TRAPPC3L: variants seen among roughly 807,000 people sequenced by gnomAD.
TRAPPC3L encodes the protein trafficking protein particle complex subunit 3L.
A neutral mutation model predicts 23.7 loss-of-function variants in TRAPPC3L; 23 were observed. The ratio of observed to expected loss-of-function variants is 0.97; its 90% confidence interval spans 0.70 to 1.37. The LOEUF is 1.37. TRAPPC3L is among the 40% of genes most tolerant of loss of function. TRAPPC3L has a pLI of 0.00. For synonymous variants in TRAPPC3L, 81 were observed against 77.9 expected (o/e 1.04, Z -0.21); for missense variants, 212 against 216.8 (o/e 0.98, Z 0.14).
intron 4 of TRAPPC3L, among the ~76,000 whole-genome samples, chr6:116,497,688 C>A (rs1485489761): frequency 6.6e-6 from 1 of 152,116 alleles, no homozygotes; most frequent in Non-Finnish European, 1.5e-5. Flanking sequence ...CTGAAGTAAG[C>A]AGGGCTTACT....
In TRAPPC3L at chr6:116,496,830, T is replaced by C. The variant is rs1298510552; in HGVS notation, c.*124A>G. The C allele has an allele frequency of 7.5e-6, 10 of 1,327,588 alleles. No individual in the cohort carries two copies. In the African/African-American group the frequency reaches 7.8e-5, roughly 10 times the overall value. 82.2% of individuals were successfully genotyped at this position (1,327,588 alleles called of 1,614,324 possible). Reference sequence around the variant, plus strand: ...AAGCCTTCATGCCCTGCATTTCAAATTTCTGGCTGATTTATAAACCTTTCA... The same window carrying C: ...AAGCCTTCATGCCCTGCATTTCAAACTTCTGGCTGATTTATAAACCTTTCA... On this transcript the variant is annotated 3_prime_UTR_variant, in exon 5 of 5. Transcript: ENST00000368602.
At chr6:116,530,217 C>G (rs1163493931) in intron 3 of TRAPPC3L, among the ~76,000 whole-genome samples, 1 of 151,788 alleles carries the variant, frequency 6.6e-6, no homozygotes, top group African/African-American at 2.4e-5. Flanking sequence ...GAACAAACCA[C>G]CCCCCCTCCT....
At chr6:116,541,605 GT>G (rs1237670117) in intron 2 of TRAPPC3L, among the ~76,000 whole-genome samples, 1 of 152,162 alleles carries the variant, frequency 6.6e-6, no homozygotes, top group East Asian at 1.9e-4. Flanking sequence ...GAAATATTCA[GT>G]TTAGCTTCCT....
chr6:116,543,365 C>T lies in TRAPPC3L; in HGVS notation c.78G>A (p.Leu26=), dbSNP rs1346741568. The T allele has an allele frequency of 6.5e-7, 1 of 1,549,882 alleles. No homozygotes were observed. Residue 26 remains leucine (L), a synonymous_variant, in exon 2 of 5, where the codon CTG becomes CTA. Coordinates refer to ENST00000368602, the MANE Select transcript of TRAPPC3L (RefSeq NM_001139444.3). The stretch of plus-strand genomic sequence containing the variant: ...CATAATCCTTACACAGCTGGGCAAC[C>T]AGAGCTCCATAGGTAAGGACAAAGA... The part of the protein sequence containing the change: ...KDLFVLTYGA[L]VAQLCKDYEK...
At chr6:116,506,665 C>T (rs966015506) in intron 3 of TRAPPC3L, among the ~76,000 whole-genome samples, 2 of 152,096 alleles carry the variant, frequency 1.3e-5, no homozygotes, top group Non-Finnish European at 2.9e-5. Flanking sequence ...ACATATACAC[C>T]AGGGAATACC....
At chr6:116,544,719 A>G (rs1388553961) in intron 1 of TRAPPC3L, among the ~76,000 whole-genome samples, 1 of 152,112 alleles carries the variant, frequency 6.6e-6, no homozygotes, top group Non-Finnish European at 1.5e-5. Context: ...TCAAGATCCC[A>G]GAAGGCCAGA....
At position 116,496,041 on chromosome 6, in the gene TRAPPC3L, A is replaced by C. The variant is rs1771829407; in HGVS notation, c.*913T>G. 6.6e-6 allele frequency: 1 copy of C among 152,200 alleles called. No homozygotes were observed. The highest frequency in any genetic ancestry group is 1.5e-5 in the Non-Finnish European group (1 of 68,026). The allele number at this position is 152,200 out of a possible 1,614,324, so 9.4% of individuals were successfully genotyped here. ...TTGGGCTCTCTGCAGAGCCCAGTAG[A>C]TTCTGGGCTGCCTTGTAGGCCGCCC... is the stretch of plus-strand genomic sequence containing the variant. On this transcript the variant is annotated 3_prime_UTR_variant, in exon 5 of 5. Transcript: ENST00000368602.
At chr6:116,516,660 A>AATATATATAT (rs57050552) in intron 3 of TRAPPC3L, 9 of 104,382 alleles carry the variant, frequency 8.6e-5, no homozygotes, top group Non-Finnish European at 1.3e-4. Context: ...AGTAGTAACA[A>AATATATATAT]ATATATATAT....
chr6:116,503,855 C>G (rs552414761), intron 3 of TRAPPC3L, among the ~76,000 whole-genome samples: 10 of 152,134 alleles, frequency 6.6e-5, no homozygotes, highest in African/African-American at 2.4e-4. Context: ...CGAGAACCTC[C>G]GGGACACATT....
Position 116,495,266 on chromosome 6 carries a change from AGTCT to A in TRAPPC3L, c.*1684_*1687del, listed in dbSNP as rs1242189496. The A allele has an allele frequency of 2.0e-5, 3 of 151,906 alleles. No individual in the cohort carries two copies. The highest frequency in any genetic ancestry group is 7.3e-5 in the African/African-American group (3 of 41,334). 9.4% of individuals were successfully genotyped at this position (151,906 alleles called of 1,614,324 possible). A position where few individuals can be genotyped will look rare whatever the true frequency, so the allele number is the denominator to read the frequency against. Reference sequence around the variant, plus strand: ...CCTACAAATAAATGAGAACATGCAAAGTCTGTCTTTCTGTCCTGACATATTTCAT... The same window carrying A: ...CCTACAAATAAATGAGAACATGCAAAGTCTTTCTGTCCTGACATATTTCAT... On this transcript the variant is annotated 3_prime_UTR_variant, in exon 5 of 5. Coordinates refer to ENST00000368602, the MANE Select transcript of TRAPPC3L (RefSeq NM_001139444.3).
At chr6:116,537,409 A>G (rs376200624) in intron 3 of TRAPPC3L, among the ~76,000 whole-genome samples, 1 of 152,172 alleles carries the variant, frequency 6.6e-6, no homozygotes, top group Non-Finnish European at 1.5e-5. Context: ...TTTCGTTAGA[A>G]TCTTCTTTAC....
chr6:116,504,324 A>G (rs1051607339), intron 3 of TRAPPC3L, among the ~76,000 whole-genome samples: 1 of 152,226 alleles, frequency 6.6e-6, no homozygotes. Context: ...TCCCAAGACT[A>G]AGCCAGGAAG....
At position 116,496,096 on chromosome 6, in the gene TRAPPC3L, T is replaced by C. The variant is rs1771830125; in HGVS notation, c.*858A>G. ...GTGCCAGTGGTCTGGTGAAGATTAC[T>C]GTGTATTTAATTCGGTACACTTGAA... is the stretch of plus-strand genomic sequence containing the variant. On this transcript the variant is annotated 3_prime_UTR_variant, in exon 5 of 5. Coordinates refer to ENST00000368602, the MANE Select transcript of TRAPPC3L (RefSeq NM_001139444.3). 2 of 152,234 alleles carry C rather than the reference T, an allele frequency of 1.3e-5. No homozygotes were observed. Among genetic ancestry groups the C allele is most frequent in the African/African-American group, 4.8e-5 (2 of 41,466 alleles). 9.4% of individuals were successfully genotyped at this position (152,234 alleles called of 1,614,324 possible).
chr6:116,499,008 C>T (rs140066475), intron 4 of TRAPPC3L, among the ~76,000 whole-genome samples: 1 of 152,176 alleles, frequency 6.6e-6, no homozygotes, highest in Non-Finnish European at 1.5e-5. Context: ...CAGGGATAAA[C>T]AACTGCTTGC....
At chr6:116,532,381 C>T (rs1257833080) in intron 3 of TRAPPC3L, among the ~76,000 whole-genome samples, 1 of 152,158 alleles carries the variant, frequency 6.6e-6, no homozygotes, top group Non-Finnish European at 1.5e-5. Flanking sequence ...GAATTACAGG[C>T]GTGAGCCACC....
chr6:116,511,568 C>G, intron 3 of TRAPPC3L: 1 of 798,694 alleles, frequency 1.3e-6, no homozygotes, highest in Non-Finnish European at 2.0e-6. Flanking sequence ...ACATTGTTTC[C>G]TTATCTGGCT....
In TRAPPC3L at chr6:116,496,719, C is replaced by T. The variant is rs752415039; in HGVS notation, c.*235G>A. ...AAGATGTGGAATTCCTGCCTGCTAT[C>T]TTGTAAGGAGCTATTTGCATATGAA... On this transcript the variant is annotated 3_prime_UTR_variant, in exon 5 of 5. Coordinates refer to ENST00000368602, the MANE Select transcript of TRAPPC3L (RefSeq NM_001139444.3). The T allele has an allele frequency of 9.0e-6, 4 of 442,418 alleles. No individual in the cohort carries two copies. Among genetic ancestry groups the T allele is most frequent in the Non-Finnish European group, 1.5e-5 (4 of 259,722 alleles). 27.4% of individuals were successfully genotyped at this position (442,418 alleles called of 1,614,324 possible). A position where few individuals can be genotyped will look rare whatever the true frequency, so the allele number is the denominator to read the frequency against.
intron 1 of TRAPPC3L, 54 bp downstream of exon 1, chr6:116,545,419 T>A (rs768148839): frequency 2.7e-6 from 4 of 1,457,196 alleles, no homozygotes; most frequent in Non-Finnish European, 3.7e-6. Context: ...CAGAAATCAC[T>A]CAAGAAAACA....
At chr6:116,521,143 A>T (rs574036526) in intron 3 of TRAPPC3L, 1 of 151,780 alleles carries the variant, frequency 6.6e-6, no homozygotes, top group Non-Finnish European at 1.5e-5. Context: ...ATGAAAGGGG[A>T]TTTCTTGTGG....
Sources: gnomAD v4.1 joint callset for allele counts (sites outside exome capture counted in the v4.1 genomes callset) on GRCh38, gnomAD v4.1.1 for gene constraint, MANE v1.5 for transcripts, NCBI Gene and HGNC (gene_info 2026-07-23, HGNC 2026-07-21) for gene names.